HERC3: variants seen among roughly 807,000 people sequenced by gnomAD.
HERC3 encodes probable E3 ubiquitin-protein ligase HERC3.
In HERC3, 58 loss-of-function variants were observed where a neutral mutation model predicts 129.9. The observed-to-expected ratio is 0.45, with a 90% CI of 0.36 to 0.56. The LOEUF (loss-of-function observed/expected upper bound fraction) is 0.56. Among genes scored for constraint, HERC3 ranks in the 20% least tolerant of loss-of-function variants. The pLI, the probability that HERC3 is intolerant of heterozygous loss-of-function variation, is 0.00. For synonymous variants in HERC3, 430 were observed against 451.0 expected, an observed-to-expected ratio of 0.95 and a Z score of 0.59; for missense variants, 835 against 1,244.2, an observed-to-expected ratio of 0.67 and a Z score of 4.95.
At position 88,669,957 on chromosome 4, in the gene HERC3, C is replaced by A. The variant is rs1229551359; in HGVS notation, c.1731C>A (p.Phe577Leu). The A allele has an allele frequency of 6.2e-7, 1 of 1,613,690 alleles. No individual in the cohort carries two copies. Among genetic ancestry groups the A allele is most frequent in the Non-Finnish European group, 8.5e-7 (1 of 1,179,796 alleles). Residue 577 changes from phenylalanine (F) to leucine (L), a missense_variant, in exon 15 of 26, where the codon TTC becomes TTA. Transcript: ENST00000402738. Reference protein sequence around the residue: ...VLYLLRGRKTFLIPVLFNNYI... With the variant: ...VLYLLRGRKTLLIPVLFNNYI... ...ATCTACTGAGGGGAAGAAAGACATT[C>A]TTAATTCCCGTACTGTTTAACAATT...
At chr4:88,703,627 C>G (rs537703396) in intron 23 of HERC3, among the ~76,000 whole-genome samples, 4 of 152,224 alleles carry the variant, frequency 2.6e-5, no homozygotes, top group Middle Eastern at 3.4e-3. Flanking sequence ...GTTTTATAAA[C>G]AAGGAGTTAT....
the HERC3 span, among the ~76,000 whole-genome samples, chr4:88,531,201 A>AT: frequency 8.4e-3 from 1,265 of 151,162 alleles, 23 homozygotes; most frequent in African/African-American, 0.029. Flanking sequence ...AAAATTTAAA[A>AT]TTTTTTTAAA....
the HERC3 span, among the ~76,000 whole-genome samples, chr4:88,573,103 C>T: frequency 2.0e-5 from 3 of 152,104 alleles, no homozygotes; most frequent in African/African-American, 4.8e-5. Context: ...GAGTGAAAGG[C>T]ATGTATATGT....
the HERC3 span, among the ~76,000 whole-genome samples, chr4:88,577,662 A>G: frequency 1.6e-5 from 2 of 125,100 alleles, no homozygotes; most frequent in Admixed American, 7.5e-5. Flanking sequence ...TAGCTACTGA[A>G]TAGTGGTTGA....
At chr4:88,580,891 TC>T in the HERC3 span, among the ~76,000 whole-genome samples, 2 of 152,188 alleles carry the variant, frequency 1.3e-5, no homozygotes, top group Non-Finnish European at 2.9e-5. Context: ...ATTAGGTCCG[TC>T]CCTAAACGCA....
upstream of HERC3, among the ~76,000 whole-genome samples, chr4:88,587,647 C>G (rs112699760): frequency 3.3e-5 from 5 of 152,272 alleles, 1 homozygote; most frequent in African/African-American, 1.2e-4. Context: ...AACAAAATTC[C>G]TTAAATTTCC....
chr4:88,619,356 A>G (rs1725263961), intron 3 of HERC3, among the ~76,000 whole-genome samples: 2 of 152,230 alleles, frequency 1.3e-5, no homozygotes, highest in African/African-American at 2.4e-5. Context: ...TCAGTCAGGC[A>G]TATGATAACA....
At chr4:88,585,963 C>T in the HERC3 span, among the ~76,000 whole-genome samples, 3 of 152,110 alleles carry the variant, frequency 2.0e-5, no homozygotes, top group South Asian at 2.1e-4. Context: ...ACTCAGATAT[C>T]GTGTGTGTGT....
In HERC3 at chr4:88,707,092, G is replaced by C; in HGVS notation, c.*132G>C. ...TTGGGACTTTTAAATACTGAGCCTG[G>C]TTGATGTGTTTCTGGGATTGTATAG... On this transcript the variant is annotated 3_prime_UTR_variant, in exon 26 of 26. Transcript: ENST00000402738. 2.8e-6 allele frequency: 2 copies of C among 709,988 alleles called. No homozygotes were observed. Among genetic ancestry groups the C allele is most frequent in the Non-Finnish European group, 4.8e-6 (2 of 420,770 alleles). 44.0% of individuals were successfully genotyped at this position (709,988 alleles called of 1,614,324 possible).
Position 88,670,009 on chromosome 4 carries a change from G to A in HERC3, c.1783G>A (p.Glu595Lys), listed in dbSNP as rs1182804001. Residue 595 changes from glutamate to lysine, a missense_variant, in exon 15 of 26, where the codon GAG (glutamate) becomes AAG (lysine). Glu to Lys is a moderately conservative substitution (Grantham distance 56). Transcript: ENST00000402738. ...NYITAALKLL[E>K]KLYKVNLKVK... ...TATCACAGCAGCTCTCAAACTCTTG[G>A]AGAAGTTATATAAGGTGAGCATAGG... The A allele has an allele frequency of 6.2e-7, 1 of 1,613,844 alleles. No homozygotes were observed. The highest frequency in any genetic ancestry group is 8.5e-7 in the Non-Finnish European group (1 of 1,179,854).
chr4:88,566,282 G>A, the HERC3 span, among the ~76,000 whole-genome samples: 3 of 152,000 alleles, frequency 2.0e-5, no homozygotes, highest in Admixed American at 1.3e-4. Flanking sequence ...ATTACTACAA[G>A]GCTTGCAATG....
intron 2 of HERC3, among the ~76,000 whole-genome samples, chr4:88,599,146 T>G (rs1169281989): frequency 6.6e-6 from 1 of 152,240 alleles, no homozygotes; most frequent in Non-Finnish European, 1.5e-5. Context: ...GTCATGGACA[T>G]CAGCAGCTAC....
intron 2 of HERC3, 129 bp from the exon 3 acceptor site, chr4:88,605,666 T>C: frequency 1.8e-6 from 1 of 561,464 alleles, no homozygotes; most frequent in Non-Finnish European, 3.2e-6. Context: ...TATGTTTTAT[T>C]TTGAGTTGTA....
intron 12 of HERC3, among the ~76,000 whole-genome samples, chr4:88,666,068 C>T (rs367665503): frequency 1.3e-5 from 2 of 152,296 alleles, no homozygotes; most frequent in South Asian, 2.1e-4. Context: ...ATCCTCTGGT[C>T]CCAAAAGTCA....
At chr4:88,704,387 T>A in intron 24 of HERC3, 106 bp downstream of exon 24, 1 of 1,307,600 alleles carries the variant, frequency 7.6e-7, no homozygotes, top group South Asian at 1.3e-5. Flanking sequence ...GTGGTTGAGT[T>A]AGATTTAGAG....
intron 3 of HERC3, among the ~76,000 whole-genome samples, chr4:88,633,970 G>C (rs1727064645): frequency 6.6e-6 from 1 of 152,188 alleles, no homozygotes; most frequent in South Asian, 2.1e-4. Context: ...TGGCCGATTG[G>C]AAGCTCCCAT....
intron 9 of HERC3, chr4:88,657,369 T>C (rs561143231): frequency 3.3e-5 from 5 of 152,306 alleles, no homozygotes; most frequent in Admixed American, 3.3e-4. Flanking sequence ...GCATCTGAAA[T>C]GTAGTGCAAC....
rs3892962 is a variant in HERC3, at chr4:88,664,536, G to A, written c.1331+324G>A. ...GCAAAAATTGGAAAGCCTAATAATGGTAATGAGAGGATTTCAGGAAGAGCA... is the reference window on the plus strand; with the variant it reads ...GCAAAAATTGGAAAGCCTAATAATGATAATGAGAGGATTTCAGGAAGAGCA... On this transcript the variant is annotated intron_variant, in intron 12 of 25. Coordinates refer to ENST00000402738, the MANE Select transcript of HERC3 (RefSeq NM_014606.3). Among the ~76,000 whole-genome samples the A allele has an allele frequency of 2.5e-3, 378 of 152,240 alleles. 3 individuals carry two copies. The highest frequency in any genetic ancestry group is 8.9e-3 in the African/African-American group (369 of 41,544).
chr4:88,617,886 A>G (rs1340659143), intron 3 of HERC3, among the ~76,000 whole-genome samples: 1 of 151,402 alleles, frequency 6.6e-6, no homozygotes, highest in African/African-American at 2.4e-5. Context: ...AAAAAAAAGA[A>G]AAAAAAAACA....
Sources: gnomAD v4.1 joint callset for allele counts (sites outside exome capture counted in the v4.1 genomes callset) on GRCh38, gnomAD v4.1.1 for gene constraint, MANE v1.5 for transcripts, NCBI Gene and HGNC (gene_info 2026-07-23, HGNC 2026-07-21) for gene names.